The following DMAC2L variants were observed in gnomAD, a reference collection of about 807,000 sequenced individuals.
DMAC2L encodes ATP synthase subunit s, mitochondrial.
In DMAC2L, 21 loss-of-function variants were observed where a neutral mutation model predicts 22.5. The observed-to-expected ratio is 0.93, with a 90% confidence interval of 0.66 to 1.34. DMAC2L has a LOEUF of 1.34. Ranked by LOEUF, DMAC2L falls within the 40% of genes most tolerant of loss-of-function variation. The pLI, the probability that DMAC2L is intolerant of heterozygous loss-of-function variation, is 0.00. For missense variants in DMAC2L, 239 were observed against 246.5 expected (o/e 0.97, Z 0.20); for synonymous variants, 86 against 89.5 (o/e 0.96, Z 0.22).
chr14:50,316,338 T>A (rs1441612053), intron 2 of DMAC2L, among the ~76,000 whole-genome samples: 1 of 152,228 alleles, frequency 6.6e-6, no homozygotes. Flanking sequence ...GAAGATTTTC[T>A]CCCACTATGT....
At position 50,322,531 on chromosome 14, in the gene DMAC2L, G is replaced by C; in HGVS notation, c.128G>C (p.Arg43Thr). The change falls in exon 4 of 6, where the codon AGG (arginine) becomes ACG (threonine). Residue 43 changes from arginine to threonine, a missense_variant. By Grantham distance (71) the Arg-to-Thr change is moderately conservative. Coordinates refer to ENST00000557421, the MANE Select transcript of DMAC2L (RefSeq NM_001382507.1). ...AACAGGGTGGATTATGATCGCATCA[G>C]GGATGTTGGCCCTGACAGGGCGGCA... ...VFNKVDYDRI[R>T]DVGPDRAASE... is the part of the protein sequence containing the mutation. The C allele has an allele frequency of 1.2e-6, 2 of 1,612,692 alleles. No individual in the cohort carries two copies. Among genetic ancestry groups the C allele is most frequent in the Non-Finnish European group, 1.7e-6 (2 of 1,178,824 alleles).
chr14:50,315,158 G>C (rs2031659101), intron 2 of DMAC2L, among the ~76,000 whole-genome samples: 1 of 151,298 alleles, frequency 6.6e-6, no homozygotes, highest in Admixed American at 6.6e-5. Flanking sequence ...AGTAGAGACA[G>C]GGTTTCACCG....
At chr14:50,321,454 C>G in intron 2 of DMAC2L, 29 bp from the exon 3 acceptor site, 1 of 1,612,236 alleles carries the variant, frequency 6.2e-7, no homozygotes, top group Non-Finnish European at 8.5e-7. Context: ...GGATGATGAT[C>G]TAATGTAAGT....
At chr14:50,312,033 C>G (rs1184011271), upstream of DMAC2L, 19 of 1,578,912 alleles carry the variant, frequency 1.2e-5, no homozygotes, top group Non-Finnish European at 1.5e-5. Context: ...CTGCGGCTAC[C>G]TCCACACAGC....
rs2032052467 is a variant in DMAC2L at position 50,319,083 on chromosome 14, G to A, written c.-5-2400G>A. ...AGGTTGGGTGGGATTTCCACAGATT[G>A]ATGGTGATGGGGGAGGGAGGCTAAG... is the stretch of plus-strand genomic sequence containing the variant. On this transcript the variant is annotated intron_variant, in intron 2 of 5. Transcript: ENST00000557421. 4.1e-6 allele frequency: 6 copies of A among 1,454,494 alleles called. No homozygotes were observed. The South Asian group carries it at 8.7e-5, about 21-fold the overall frequency. The allele number at this position is 1,454,494 out of a possible 1,614,324, so 90.1% of individuals were successfully genotyped here. A position where few individuals can be genotyped will look rare whatever the true frequency, so the allele number is the denominator to read the frequency against.
At chr14:50,319,336 T>C (rs1476086459) in intron 2 of DMAC2L, 3 of 1,535,932 alleles carry the variant, frequency 2.0e-6, no homozygotes, top group Non-Finnish European at 2.6e-6. Context: ...CATCTCTCAC[T>C]GTTCCACGGC....
intron 2 of DMAC2L, chr14:50,319,430 A>G: frequency 7.2e-7 from 1 of 1,383,432 alleles, no homozygotes; most frequent in Non-Finnish European, 9.7e-7. Flanking sequence ...CTTGAATTCC[A>G]GAACCATGTA....
In DMAC2L at chr14:50,321,245, G is replaced by A. The variant is rs2032242152; in HGVS notation, c.-5-238G>A. Reference sequence around the variant, plus strand: ...GACTCCAATTGAGGTTTCAACAGTGGAACTTAACGTTCTAGCCGGAAGGAG... The same window carrying A: ...GACTCCAATTGAGGTTTCAACAGTGAAACTTAACGTTCTAGCCGGAAGGAG... On this transcript the variant is annotated intron_variant, in intron 2 of 5. Transcript: ENST00000557421. 5 of 508,410 alleles carry A rather than the reference G, an allele frequency of 9.8e-6. No individual in the cohort carries two copies. The South Asian group carries it at 2.3e-4, about 24-fold the overall frequency. The allele number at this position is 508,410 out of a possible 1,614,324, so 31.5% of individuals were successfully genotyped here.
At chr14:50,312,805 C>CA in intron 1 of DMAC2L, 1 of 562,230 alleles carries the variant, frequency 1.8e-6, no homozygotes, top group Non-Finnish European at 3.2e-6. Context: ...GGCTCTTTGT[C>CA]ACAGCGAAGA....
chr14:50,325,991 A>T lies in DMAC2L; in HGVS notation c.*268A>T. ...ATGCCTGTAATCCTAGCACTTTGGG[A>T]GGCCAAAGCGGGCAGATCACCTGAG... On this transcript the variant is annotated 3_prime_UTR_variant, in exon 6 of 6. Transcript: ENST00000557421. 3 of 1,004,332 alleles carry T rather than the reference A, an allele frequency of 3.0e-6. No individual in the cohort carries two copies. The highest frequency in any genetic ancestry group is 3.6e-6 in the Non-Finnish European group (3 of 824,818). The allele number at this position is 1,004,332 out of a possible 1,614,324, so 62.2% of individuals were successfully genotyped here.
upstream of DMAC2L, among the ~76,000 whole-genome samples, chr14:50,311,651 G>A (rs1259889590): frequency 3.9e-5 from 6 of 152,202 alleles, no homozygotes; most frequent in Non-Finnish European, 5.9e-5. Context: ...TGCTTATACT[G>A]TGTGCTAGGT....
rs929247002 is a variant in DMAC2L at position 50,327,848 on chromosome 14, A to G, written c.*2125A>G. Reference sequence around the variant, plus strand: ...AAATGAATTTTCGTTGTGTTTAACAATGTTGTGTTTAACAGCTTATACAAA... The same window carrying G: ...AAATGAATTTTCGTTGTGTTTAACAGTGTTGTGTTTAACAGCTTATACAAA... On this transcript the variant is annotated 3_prime_UTR_variant, in exon 6 of 6. Transcript: ENST00000557421. The G allele has an allele frequency of 2.6e-5, 4 of 152,184 alleles. No homozygotes were observed. Among genetic ancestry groups the G allele is most frequent in the Non-Finnish European group, 1.5e-5 (1 of 68,032 alleles). The allele number at this position is 152,184 out of a possible 1,614,324, so 9.4% of individuals were successfully genotyped here.
chr14:50,312,877 T>C, intron 1 of DMAC2L: 1 of 795,964 alleles, frequency 1.3e-6, no homozygotes, highest in East Asian at 2.5e-5. Context: ...ATTCATTCAG[T>C]CATTGATTCG....
Position 50,322,673 on chromosome 14 carries a change from C to A in DMAC2L, c.270C>A (p.Ile90=), listed in dbSNP as rs1379832906. The change falls in exon 4 of 6, where the codon ATC becomes ATA. Residue 90 remains isoleucine, a synonymous_variant. Coordinates refer to ENST00000557421, the MANE Select transcript of DMAC2L (RefSeq NM_001382507.1). ...GPLDKYKIQA[I]DATDSCIMSI... ...TGGACAAATACAAGATTCAGGCGATCGACGCCACCGACTCTTGTATCATGA... is the reference window on the plus strand; with the variant it reads ...TGGACAAATACAAGATTCAGGCGATAGACGCCACCGACTCTTGTATCATGA... 1 of 1,614,070 alleles carries A rather than the reference C, an allele frequency of 6.2e-7. No individual in the cohort carries two copies. Among genetic ancestry groups the A allele is most frequent in the East Asian group, 2.2e-5 (1 of 44,876 alleles).
chr14:50,314,535 G>A, intron 1 of DMAC2L, 56 bp from the exon 2 acceptor site: 1 of 456,028 alleles, frequency 2.2e-6, no homozygotes, highest in Non-Finnish European at 4.4e-6. Context: ...TGTGAATCAA[G>A]CAGCTGTGAA....
chr14:50,324,189 AG>A, intron 5 of DMAC2L, 73 bp downstream of exon 5: 2 of 1,428,962 alleles, frequency 1.4e-6, no homozygotes, highest in Non-Finnish European at 1.9e-6. Flanking sequence ...ATTGACTGTG[AG>A]GGGTGGTGTC....
intron 5 of DMAC2L, among the ~76,000 whole-genome samples, chr14:50,325,023 C>T (rs930512849): frequency 1.3e-5 from 2 of 152,248 alleles, no homozygotes; most frequent in East Asian, 1.9e-4. Flanking sequence ...ATCCGCCCGC[C>T]TCGGCCTCCC....
rs951431635 is a variant in DMAC2L, at chr14:50,327,029, G to A, written c.*1306G>A. ...TGCACACCAGCCTGGTAGCCTGGGTGAAAGGGGGAGACCCTGTCTCTTAAA... is the reference window on the plus strand; with the variant it reads ...TGCACACCAGCCTGGTAGCCTGGGTAAAAGGGGGAGACCCTGTCTCTTAAA... On this transcript the variant is annotated 3_prime_UTR_variant, in exon 6 of 6. Coordinates refer to ENST00000557421, the MANE Select transcript of DMAC2L (RefSeq NM_001382507.1). 5 of 151,964 alleles carry A rather than the reference G, an allele frequency of 3.3e-5. No homozygotes were observed. The highest frequency in any genetic ancestry group is 3.3e-4 in the Admixed American group (5 of 15,232). 9.4% of individuals were successfully genotyped at this position (151,964 alleles called of 1,614,324 possible).
chr14:50,320,710 G>T (rs2032192930), intron 2 of DMAC2L, among the ~76,000 whole-genome samples: 1 of 152,110 alleles, frequency 6.6e-6, no homozygotes, highest in African/African-American at 2.4e-5. Context: ...ATTGTCAGAT[G>T]CTCAAAGCAA....
Sources: gnomAD v4.1 joint callset for allele counts (sites outside exome capture counted in the v4.1 genomes callset) on GRCh38, gnomAD v4.1.1 for gene constraint, MANE v1.5 for transcripts, NCBI Gene and HGNC (gene_info 2026-07-23, HGNC 2026-07-21) for gene names.